Variants in UTP6 observed in about 807,000 individuals in gnomAD.
The protein encoded by UTP6 is U3 small nucleolar RNA-associated protein 6 homolog.
UTP6 carries 60 observed loss-of-function variants against 96.5 expected under a neutral mutation model. That is an observed-to-expected ratio of 0.62 (90% confidence interval 0.51 to 0.77). UTP6 has a LOEUF of 0.77. Among genes scored for constraint, UTP6 ranks in the 30% least tolerant of loss-of-function variants. UTP6 has a pLI of 0.00. For missense variants in UTP6, 637 were observed against 706.5 expected, an observed-to-expected ratio of 0.90 and a Z score of 1.12; for synonymous variants, 215 against 240.1, an observed-to-expected ratio of 0.90 and a Z score of 0.96.
At chr17:31,875,114 C>A in intron 14 of UTP6, 120 bp downstream of exon 14, 2 of 1,175,734 alleles carry the variant, frequency 1.7e-6, no homozygotes, top group Non-Finnish European at 2.4e-6. Context: ...ACCATCACCA[C>A]TGAATAGCAA....
At chr17:31,888,770 T>A (rs1911295259) in intron 7 of UTP6, among the ~76,000 whole-genome samples, 1 of 152,180 alleles carries the variant, frequency 6.6e-6, no homozygotes, top group African/African-American at 2.4e-5. Context: ...AAGCCTTTTT[T>A]ATTTAATAAA....
At position 31,873,416 on chromosome 17, in the gene UTP6, T is replaced by C. The variant is rs1260422264; in HGVS notation, c.1458A>G (p.Arg486=). 1 of 1,614,034 alleles carries C rather than the reference T, an allele frequency of 6.2e-7. No individual in the cohort carries two copies. Among genetic ancestry groups the C allele is most frequent in the Non-Finnish European group, 8.5e-7 (1 of 1,180,038 alleles). ...LKNKYLDWAY[R]SGGYKKARAV... ...CTCTGGCCTTTTTGTAGCCACCACT[T>C]CGATAAGCCCAATCCAGGTACTTAT... Residue 486 remains arginine, a synonymous_variant, in exon 16 of 19, where the codon CGA becomes CGG. Coordinates refer to ENST00000261708, the MANE Select transcript of UTP6 (RefSeq NM_018428.3).
chr17:31,868,264 C>A, intron 16 of UTP6, 152 bp from the exon 17 acceptor site: 17 of 453,832 alleles, frequency 3.7e-5, no homozygotes, highest in East Asian at 5.4e-5. Context: ...GATGGCCAGT[C>A]ATTCTCACGA....
At position 31,863,456 on chromosome 17, in the gene UTP6, C is replaced by T. The variant is rs201762567; in HGVS notation, c.1697G>A (p.Cys566Tyr). Residue 566 changes from cysteine to tyrosine, a missense_variant, in exon 19 of 19, where the codon TGT becomes TAT. Coordinates refer to ENST00000261708, the MANE Select transcript of UTP6 (RefSeq NM_018428.3). ...LNHPLGRPEN[C>Y]GQIYWRAMKM... is the part of the protein sequence containing the mutation. ...CATCGCTCGCCAGTAGATCTGTCCA[C>T]AGTTCTCAGGTCTACCAAGGGGGTG... The T allele has an allele frequency of 1.2e-6, 2 of 1,614,112 alleles. No homozygotes were observed. The highest frequency in any genetic ancestry group is 4.5e-5 in the East Asian group (2 of 44,870).
At chr17:31,875,191 G>A (rs1287002447) in intron 14 of UTP6, 43 bp downstream of exon 14, 1 of 1,607,092 alleles carries the variant, frequency 6.2e-7, no homozygotes, top group Non-Finnish European at 8.5e-7. Context: ...AGTCTTAAAA[G>A]GTTTCCCAAA....
chr17:31,890,919 A>G (rs1393067254), intron 6 of UTP6, among the ~76,000 whole-genome samples: 2 of 152,056 alleles, frequency 1.3e-5, no homozygotes, highest in Non-Finnish European at 2.9e-5. Flanking sequence ...CCCAGGAGAC[A>G]GAGGTTGCAG....
chr17:31,895,026 CAT>C lies in UTP6; in HGVS notation c.178-17_178-16del. ...TTAATTTCATACTATGAAAGAAAAA[CAT>C]ACAAAAAAATGAGAAGCTAGAAAAT... On this transcript the variant is annotated splice_polypyrimidine_tract_variant and intron_variant, in intron 2 of 18. Transcript: ENST00000261708. 10 of 1,509,910 alleles carry C rather than the reference CAT, an allele frequency of 6.6e-6. No individual in the cohort carries two copies. The highest frequency in any genetic ancestry group is 5.6e-5 in the African/African-American group (4 of 70,914). The allele number at this position is 1,509,910 out of a possible 1,614,324, so 93.5% of individuals were successfully genotyped here. A position where few individuals can be genotyped will look rare whatever the true frequency, so the allele number is the denominator to read the frequency against.
chr17:31,871,002 T>A (rs1177278651), intron 16 of UTP6, among the ~76,000 whole-genome samples: 1 of 150,062 alleles, frequency 6.7e-6, no homozygotes, highest in Non-Finnish European at 1.5e-5. Context: ...TTTTTTTTTT[T>A]TTTTTGAGAT....
At chr17:31,886,124 A>C (rs2142312037) in intron 8 of UTP6, 63 bp from the exon 9 acceptor site, 1 of 1,402,536 alleles carries the variant, frequency 7.1e-7, no homozygotes, top group East Asian at 2.3e-5. Flanking sequence ...CACTAGGACG[A>C]AAATTAACAA....
rs755503915 is a variant in UTP6, at chr17:31,899,741, A to C, written c.93-11T>G. ...TTCTTAATGATAGCCCTGAGGAGAAAGCCATTTAAACTTCACTTGAAAACT... is the reference window on the plus strand; with the variant it reads ...TTCTTAATGATAGCCCTGAGGAGAACGCCATTTAAACTTCACTTGAAAACT... On this transcript the variant is annotated splice_polypyrimidine_tract_variant and intron_variant, in intron 1 of 18. Transcript: ENST00000261708. 6.4e-7 allele frequency: 1 copy of C among 1,551,686 alleles called. No homozygotes were observed.
In UTP6 at chr17:31,887,267, T is replaced by G. The variant is rs151277876; in HGVS notation, c.590A>C (p.Lys197Thr). The change falls in exon 8 of 19, where the codon AAG becomes ACG. Residue 197 changes from lysine to threonine, a missense_variant. Transcript: ENST00000261708. ...LMHAEKLRKE[K>T]EEFEKASMDV... Reference sequence around the variant, plus strand: ...CATACTGGCTTTTTCAAATTCTTCCTTCTCCTTCCTCAGTTTTTCAGCATG... The same window carrying G: ...CATACTGGCTTTTTCAAATTCTTCCGTCTCCTTCCTCAGTTTTTCAGCATG... The G allele has an allele frequency of 9.0e-5, 145 of 1,614,206 alleles. 1 individual carries two copies. The African/African-American group carries it at 1.9e-3, about 21-fold the overall frequency.
At chr17:31,864,763 C>A (rs1909721251) in intron 18 of UTP6, among the ~76,000 whole-genome samples, 1 of 151,812 alleles carries the variant, frequency 6.6e-6, no homozygotes, top group Non-Finnish European at 1.5e-5. Flanking sequence ...GCTGGGACCA[C>A]AAGCATGCAC....
chr17:31,884,564 A>C, intron 9 of UTP6, 59 bp from the exon 10 acceptor site: 1 of 1,323,978 alleles, frequency 7.6e-7, no homozygotes, highest in Non-Finnish European at 1.1e-6. Flanking sequence ...CTTTACTTTA[A>C]AAGTAGCATT....
chr17:31,872,798 C>T (rs904477214), intron 16 of UTP6, among the ~76,000 whole-genome samples: 2 of 151,880 alleles, frequency 1.3e-5, no homozygotes, highest in Non-Finnish European at 2.9e-5. Context: ...ATCAGCAGTT[C>T]GAGACCAGCC....
intron 14 of UTP6, among the ~76,000 whole-genome samples, chr17:31,874,573 C>T (rs1910379653): frequency 6.6e-6 from 1 of 150,614 alleles, no homozygotes; most frequent in African/African-American, 2.5e-5. Context: ...ACCAAATGAG[C>T]AGTAGTTTTT....
At chr17:31,899,955 T>C (rs79272796) in intron 1 of UTP6, among the ~76,000 whole-genome samples, 43,384 of 151,700 alleles carry the variant, frequency 0.29, 6,935 homozygotes, top group African/African-American at 0.43. Flanking sequence ...ACCACCCTGG[T>C]CAACATGGTA....
At position 31,887,099 on chromosome 17, in the gene UTP6, T is replaced by C. The variant is rs1911190400; in HGVS notation, c.621+137A>G. ...GATGGTGCCACTGCACTCCAGCCTG[T>C]GTGACAGACCGAGACTCCGTCTCAA... On this transcript the variant is annotated intron_variant, in intron 8 of 18. Transcript: ENST00000261708. 1.0e-5 allele frequency: 7 copies of C among 692,900 alleles called. No individual in the cohort carries two copies. In the South Asian group the frequency reaches 1.2e-4, roughly 12 times the overall value. The allele number at this position is 692,900 out of a possible 1,614,324, so 42.9% of individuals were successfully genotyped here. A position where few individuals can be genotyped will look rare whatever the true frequency, so the allele number is the denominator to read the frequency against.
At position 31,865,866 on chromosome 17, in the gene UTP6, A is replaced by G. The variant is rs1909780807; in HGVS notation, c.1564-428T>C. On this transcript the variant is annotated intron_variant, in intron 17 of 18. Coordinates refer to ENST00000261708, the MANE Select transcript of UTP6 (RefSeq NM_018428.3). ...AATAAATACTAGTTATATGACCTTC[A>G]GCAAGTTTTTGAACCCTTTGACCTT... is the stretch of plus-strand genomic sequence containing the variant. 1.3e-5 allele frequency among the ~76,000 whole-genome samples: 2 copies of G among 152,200 alleles called. 1 individual carries two copies. The highest frequency in any genetic ancestry group is 4.8e-5 in the African/African-American group (2 of 41,462).
chr17:31,868,192 G>C, intron 16 of UTP6, 80 bp from the exon 17 acceptor site: 1 of 1,298,608 alleles, frequency 7.7e-7, no homozygotes, highest in African/African-American at 1.5e-5. Context: ...ACCGAGACCA[G>C]TGCCTCCACA....
Sources: allele counts gnomAD v4.1 joint callset (sites outside exome capture counted in the v4.1 genomes callset), GRCh38; gene constraint gnomAD v4.1.1; transcripts MANE v1.5; gene names NCBI Gene and HGNC (gene_info 2026-07-23, HGNC 2026-07-21).